Variants in PPM1E observed in about 807,000 individuals in gnomAD.
PPM1E encodes the protein protein phosphatase 1E.
PPM1E carries 20 observed loss-of-function variants against 65.9 expected under a neutral mutation model. That is an observed-to-expected ratio of 0.30 (90% CI 0.21 to 0.44). The LOEUF (loss-of-function observed/expected upper bound fraction) is 0.44, where lower values mean the gene tolerates loss of function less well. PPM1E is among the 20% of genes least tolerant of loss of function. The pLI, the probability that PPM1E is intolerant of heterozygous loss-of-function variation, is 1.00. For synonymous variants in PPM1E, 352 were observed against 374.9 expected (o/e 0.94, Z 0.70); for missense variants, 713 against 953.1 (o/e 0.75, Z 3.32).
At chr17:58,977,572 T>C (rs1341077491) in intron 6 of PPM1E, among the ~76,000 whole-genome samples, 3 of 152,200 alleles carry the variant, frequency 2.0e-5, no homozygotes, top group African/African-American at 7.2e-5. Context: ...ATTTCTTACC[T>C]AATAGATATA....
chr17:58,867,058 G>A (rs1002898662), intron 1 of PPM1E, among the ~76,000 whole-genome samples: 15 of 152,184 alleles, frequency 9.9e-5, no homozygotes, highest in African/African-American at 3.4e-4. Flanking sequence ...TCGGCTCACT[G>A]CAACCTCCAT....
rs77161631 is a variant in PPM1E at position 58,936,641 on chromosome 17, C to T, written c.465-19008C>T. On this transcript the variant is annotated intron_variant, in intron 1 of 6. Coordinates refer to ENST00000308249, the MANE Select transcript of PPM1E (RefSeq NM_014906.5). ...TAGGTTTGGCATTGTGATGAAAATG[C>T]TTCCTGGCTTGGTTTATAACAAGAA... Among the ~76,000 whole-genome samples, 981 of 152,248 alleles carry T rather than the reference C, an allele frequency of 6.4e-3. 4 individuals are homozygous for T. The highest frequency in any genetic ancestry group is 0.011 in the Non-Finnish European group (734 of 68,006).
At chr17:58,823,115 T>C (rs2050497056) in intron 1 of PPM1E, among the ~76,000 whole-genome samples, 1 of 152,196 alleles carries the variant, frequency 6.6e-6, no homozygotes, top group Non-Finnish European at 1.5e-5. Context: ...AGCATTATTG[T>C]AGAGTCAGAC....
At chr17:58,798,948 A>G (rs1043418777) in intron 1 of PPM1E, among the ~76,000 whole-genome samples, 2 of 151,914 alleles carry the variant, frequency 1.3e-5, no homozygotes, top group African/African-American at 4.8e-5. Flanking sequence ...TGCCCGCCTC[A>G]GCTCCCAAAG....
chr17:58,956,418 A>G (rs996112632), intron 2 of PPM1E, among the ~76,000 whole-genome samples: 1 of 151,674 alleles, frequency 6.6e-6, no homozygotes, highest in Non-Finnish European at 1.5e-5. Flanking sequence ...CCTGGGAGAA[A>G]GAGTGAAACT....
Position 58,965,777 on chromosome 17 carries a change from C to G in PPM1E, c.667C>G (p.Arg223Gly). The change falls in exon 3 of 7, where the codon CGC becomes GGC. Residue 223 changes from arginine to glycine, a missense_variant. Physicochemically the swap from Arg to Gly is moderately radical, Grantham distance 125. This residue lies in a region of PPM1E where 84 missense variants were observed against 113.9 expected (regional missense o/e 0.74). Transcript: ENST00000308249. ...CAGCTGGGTGAAAGACTTCCCCCTC[C>G]GCAGGAGACCCCAGCTTTATTATGA... ...CCSWVKDFPL[R>G]RRPQLYYETS... is the part of the protein sequence containing the mutation. 6.2e-7 allele frequency: 1 copy of G among 1,614,122 alleles called. No homozygotes were observed.
chr17:58,817,367 T>G (rs2050436704), intron 1 of PPM1E, among the ~76,000 whole-genome samples: 1 of 152,202 alleles, frequency 6.6e-6, no homozygotes, highest in Non-Finnish European at 1.5e-5. Flanking sequence ...TGGCATGCAT[T>G]GTGCTTTAAC....
intron 1 of PPM1E, among the ~76,000 whole-genome samples, chr17:58,784,493 C>G (rs997179223): frequency 6.7e-6 from 1 of 149,188 alleles, no homozygotes; most frequent in South Asian, 2.1e-4. Context: ...TTACCCTCCT[C>G]CCCCCCACCA....
intron 1 of PPM1E, among the ~76,000 whole-genome samples, chr17:58,908,059 G>C (rs749130149): frequency 6.7e-5 from 10 of 150,328 alleles, no homozygotes; most frequent in Non-Finnish European, 1.3e-4. Context: ...TTCTATTTTT[G>C]TCTTCTACTC....
At chr17:58,826,038 C>T (rs2050532353) in intron 1 of PPM1E, among the ~76,000 whole-genome samples, 2 of 151,520 alleles carry the variant, frequency 1.3e-5, no homozygotes, top group African/African-American at 4.8e-5. Context: ...CCTGTAATCC[C>T]AGCACTTTGG....
At chr17:58,885,434 G>A (rs1053834277) in intron 1 of PPM1E, among the ~76,000 whole-genome samples, 1 of 152,168 alleles carries the variant, frequency 6.6e-6, no homozygotes, top group Non-Finnish European at 1.5e-5. Context: ...TTTCTCACAT[G>A]TCCGATGACC....
intron 1 of PPM1E, among the ~76,000 whole-genome samples, chr17:58,828,799 G>A (rs1377756659): frequency 6.6e-6 from 1 of 151,844 alleles, no homozygotes; most frequent in East Asian, 1.9e-4. Context: ...GGATTTACCT[G>A]TCTCTAAAGA....
At position 58,980,763 on chromosome 17, in the gene PPM1E, T is replaced by G. The variant is rs769344972; in HGVS notation, c.2000T>G (p.Leu667Trp). The change falls in exon 7 of 7, where the codon TTG becomes TGG. Residue 667 changes from leucine to tryptophan, a missense_variant. By Grantham distance (61) the Leu-to-Trp change is moderately conservative. Transcript: ENST00000308249. The surrounding 1 kb of genome is among the most constrained non-coding windows in gnomAD (Gnocchi z 4.7). ...FKSPGNRVSR[L>W]SHLRHHYSKK... is the part of the protein sequence containing the mutation. ...TCCCCGGGAAACAGAGTTTCTAGAT[T>G]GTCTCATTTACGCCACCACTACTCA... 1.2e-6 allele frequency: 2 copies of G among 1,614,138 alleles called. No individual in the cohort carries two copies. Among genetic ancestry groups the G allele is most frequent in the Non-Finnish European group, 8.5e-7 (1 of 1,180,000 alleles).
intron 1 of PPM1E, among the ~76,000 whole-genome samples, chr17:58,766,240 TG>T (rs2049876711): frequency 7.4e-6 from 1 of 134,990 alleles, no homozygotes; most frequent in African/African-American, 2.8e-5. Context: ...CTCGCTCTGC[TG>T]CCCAGGCTGG....
intron 1 of PPM1E, among the ~76,000 whole-genome samples, chr17:58,821,966 G>A (rs1345453168): frequency 6.6e-6 from 1 of 152,242 alleles, no homozygotes; most frequent in Middle Eastern, 3.4e-3. Context: ...GATATATCAA[G>A]GTAATGAGAT....
At chr17:58,827,164 G>C (rs1008892433) in intron 1 of PPM1E, among the ~76,000 whole-genome samples, 5 of 126,274 alleles carry the variant, frequency 4.0e-5, no homozygotes, top group Non-Finnish European at 8.2e-5. Flanking sequence ...TTGAGACAGA[G>C]TCTTGCTCTG....
intron 1 of PPM1E, among the ~76,000 whole-genome samples, chr17:58,792,654 CATAATTAT>C (rs2050166886): frequency 6.8e-6 from 1 of 146,428 alleles, no homozygotes; most frequent in Non-Finnish European, 1.5e-5. Context: ...TGGCTCATAT[CATAATTAT>C]ATAATTTTTC....
At chr17:58,932,738 G>A (rs571186515) in intron 1 of PPM1E, among the ~76,000 whole-genome samples, 3 of 151,830 alleles carry the variant, frequency 2.0e-5, no homozygotes, top group Non-Finnish European at 2.9e-5. Context: ...TGGAGCTTTT[G>A]GAAAAAGAAT....
chr17:58,955,529 G>A (rs967594685), intron 1 of PPM1E, 120 bp from the exon 2 acceptor site: 2 of 1,099,688 alleles, frequency 1.8e-6, no homozygotes, highest in East Asian at 5.2e-5. Context: ...ATTGAATATT[G>A]TTTAAAGGTA....
Sources: allele counts gnomAD v4.1 joint callset (sites outside exome capture counted in the v4.1 genomes callset), GRCh38; gene constraint gnomAD v4.1.1; regional missense constraint gnomAD v4.1.1; non-coding constraint Gnocchi (gnomAD v3.1); transcripts MANE v1.5; gene names NCBI Gene and HGNC (gene_info 2026-07-23, HGNC 2026-07-21).